The following NBPF11 variants were observed in gnomAD, a reference collection of about 807,000 sequenced individuals.
The protein encoded by NBPF11 is NBPF member 11.
A neutral mutation model predicts 93.9 loss-of-function variants in NBPF11; 72 were observed. The ratio of observed to expected loss-of-function variants is 0.77; its 90% CI spans 0.63 to 0.93. The LOEUF (loss-of-function observed/expected upper bound fraction) is 0.93, where lower values mean the gene tolerates loss of function less well. NBPF11 is among the 40% of genes least tolerant of loss of function. The pLI, the probability that NBPF11 is intolerant of heterozygous loss-of-function variation, is 0.00. For missense variants in NBPF11, 705 were observed against 802.2 expected (o/e 0.88, Z 1.46); for synonymous variants, 224 against 304.9 (o/e 0.73, Z 2.76).
chr1:148,150,728 C>CTTTTT (rs543007833), intron 1 of NBPF11, among the ~76,000 whole-genome samples: 2 of 135,166 alleles, frequency 1.5e-5, no homozygotes, highest in African/African-American at 2.8e-5. Context: ...CAAGAAAAGG[C>CTTTTT]TTTTTTTTTT....
At chr1:148,107,971 T>A (rs1256886043) in intron 18 of NBPF11, among the ~76,000 whole-genome samples, 4 of 151,364 alleles carry the variant, frequency 2.6e-5, no homozygotes, top group Non-Finnish European at 4.4e-5. Context: ...TTCCCTATTC[T>A]GGTAGATCGT....
At chr1:148,120,892 G>T (rs1214378915) in intron 9 of NBPF11, among the ~76,000 whole-genome samples, 182 bp from the exon 10 acceptor site, 2 of 151,972 alleles carry the variant, frequency 1.3e-5, no homozygotes, top group Non-Finnish European at 2.9e-5. Context: ...TAGCTATGCA[G>T]TCACCTTGAA....
chr1:148,118,681 T>C lies in NBPF11; in HGVS notation c.1030A>G (p.Asn344Asp), dbSNP rs1667141634. 3.7e-6 allele frequency: 6 copies of C among 1,613,080 alleles called. No homozygotes were observed. In the Admixed American group the frequency reaches 6.7e-5, roughly 18 times the overall value. ...TTCTCCTCCTTGAACTGTCGCTCAT[T>C]CCTCAGCATAGATTTTATGAGGTCT... ...CKDLIKSMLR[N>D]ERQFKEEKLA... Residue 344 changes from asparagine to aspartate, a missense_variant, in exon 11 of 24, where the codon AAT becomes GAT. Asn to Asp is a conservative substitution (Grantham distance 23, BLOSUM62 1). This residue lies in a region of NBPF11 where 262 missense variants were observed against 223.1 expected (regional missense o/e 1.17). Transcript: ENST00000682118.
chr1:148,149,253 C>T (rs1647606497), intron 1 of NBPF11: 5 of 1,595,106 alleles, frequency 3.1e-6, no homozygotes, highest in East Asian at 2.2e-5. Flanking sequence ...GAGTGTGCCG[C>T]GGTGGTGCTG....
At chr1:148,122,984 G>A (rs1450269223) in intron 7 of NBPF11, among the ~76,000 whole-genome samples, 183 bp from the exon 8 acceptor site, 93 of 137,242 alleles carry the variant, frequency 6.8e-4, no homozygotes, top group African/African-American at 2.2e-3. Flanking sequence ...ATGCATTTCT[G>A]ATGTGGAGGG....
chr1:148,140,315 A>AT (rs1341597736), intron 2 of NBPF11, among the ~76,000 whole-genome samples: 1 of 151,946 alleles, frequency 6.6e-6, no homozygotes. Flanking sequence ...AACCATAAGA[A>AT]TCCTAGGAGA....
intron 4 of NBPF11, among the ~76,000 whole-genome samples, chr1:148,132,246 T>G (rs1487620914): frequency 1.4e-5 from 2 of 146,194 alleles, no homozygotes; most frequent in Non-Finnish European, 3.0e-5. Flanking sequence ...TGTTTGTGTG[T>G]GTGTGTGTGG....
At chr1:148,122,034 C>T (rs1667991908) in intron 9 of NBPF11, 21 bp downstream of exon 9, 6 of 1,546,312 alleles carry the variant, frequency 3.9e-6, no homozygotes, top group Non-Finnish European at 1.8e-6. Flanking sequence ...AGGTATGAGA[C>T]ACAAGGAAAA....
At chr1:148,147,181 G>C (rs1384586361) in intron 1 of NBPF11, among the ~76,000 whole-genome samples, 1 of 152,188 alleles carries the variant, frequency 6.6e-6, no homozygotes, top group Non-Finnish European at 1.5e-5. Context: ...GCCTGAGGAT[G>C]GGAAGGGGCT....
chr1:148,124,848 T>G, intron 6 of NBPF11, 51 bp downstream of exon 6: 31 of 1,564,936 alleles, frequency 2.0e-5, no homozygotes, highest in Non-Finnish European at 2.7e-5. Context: ...CTGCTGTACT[T>G]CAGAGATCTA....
intron 4 of NBPF11, among the ~76,000 whole-genome samples, chr1:148,129,173 A>ATATATAT (rs1553273853): frequency 8.2e-6 from 1 of 121,292 alleles, no homozygotes; most frequent in Non-Finnish European, 1.8e-5. Flanking sequence ...ATATACACAT[A>ATATATAT]TATACATGTA....
chr1:148,119,233 G>A (rs1385248682), intron 10 of NBPF11, among the ~76,000 whole-genome samples: 3 of 150,038 alleles, frequency 2.0e-5, no homozygotes, highest in African/African-American at 7.5e-5. Context: ...CATATCTGAA[G>A]CATAAAGTGT....
chr1:148,132,195 G>A (rs1670474628), intron 4 of NBPF11, among the ~76,000 whole-genome samples: 1 of 143,720 alleles, frequency 7.0e-6, no homozygotes, highest in Non-Finnish European at 1.5e-5. Flanking sequence ...CTTCAAAACG[G>A]TGAATATATA....
At chr1:148,146,868 C>A (rs1277782986) in intron 1 of NBPF11, 2 of 1,613,730 alleles carry the variant, frequency 1.2e-6, no homozygotes, top group Non-Finnish European at 1.7e-6. Context: ...GCAGGCCTTC[C>A]GAGAGGAACC....
In NBPF11 at chr1:148,120,562, G is replaced by C; in HGVS notation, c.927C>G (p.Leu309=). 8.2e-7 allele frequency: 1 copy of C among 1,213,654 alleles called. No homozygotes were observed. Among genetic ancestry groups the C allele is most frequent in the Non-Finnish European group, 1.2e-6 (1 of 815,410 alleles). The allele number at this position is 1,213,654 out of a possible 1,614,324, so 75.2% of individuals were successfully genotyped here. The change falls in exon 10 of 24, where the codon CTC becomes CTG. Residue 309 remains leucine (L), a synonymous_variant. Coordinates refer to ENST00000682118, the MANE Select transcript of NBPF11 (RefSeq NM_001385469.3). The stretch of plus-strand genomic sequence containing the variant: ...CTTGAGTTACAAAACATTTCTCTTT[G>C]AGGCTTCTGAACTGCTGTTTCTTCT... ...LAEKKQQFRS[L]KEKCFVTQVA...
At chr1:148,116,965 G>A (rs1392572563) in intron 12 of NBPF11, among the ~76,000 whole-genome samples, 16 of 152,270 alleles carry the variant, frequency 1.1e-4, no homozygotes, top group African/African-American at 3.6e-4. Context: ...CCTCCAAGTG[G>A]CTTCTGCTGT....
chr1:148,123,190 G>C (rs1174544783), intron 7 of NBPF11, among the ~76,000 whole-genome samples: 1 of 151,930 alleles, frequency 6.6e-6, no homozygotes, highest in Non-Finnish European at 1.5e-5. Flanking sequence ...GGACAAACTT[G>C]TCCCACAGTC....
chr1:148,103,894 C>A lies in NBPF11; in HGVS notation c.*2G>T. 1.9e-6 allele frequency: 3 copies of A among 1,611,024 alleles called. No individual in the cohort carries two copies. Among genetic ancestry groups the A allele is most frequent in the Admixed American group, 1.7e-5 (1 of 60,006 alleles). ...GTAAGACTTCAGGCACTTCCACTTC[C>A]ATCAGCACGCTGCTGAGCCTGGAAA... On this transcript the variant is annotated 3_prime_UTR_variant, in exon 24 of 24. Coordinates refer to ENST00000682118, the MANE Select transcript of NBPF11 (RefSeq NM_001385469.3).
intron 12 of NBPF11, among the ~76,000 whole-genome samples, chr1:148,116,985 G>A (rs1214692872): frequency 2.0e-5 from 3 of 152,118 alleles, no homozygotes; most frequent in African/African-American, 4.8e-5. Flanking sequence ...TGTTATTCAG[G>A]GACATTCTAT....
Sources: allele counts gnomAD v4.1 joint callset (sites outside exome capture counted in the v4.1 genomes callset), GRCh38; gene constraint gnomAD v4.1.1; regional missense constraint gnomAD v4.1.1; transcripts MANE v1.5; gene names NCBI Gene and HGNC (gene_info 2026-07-23, HGNC 2026-07-21).